The following GRIP1 variants were observed in gnomAD, a reference collection of about 807,000 sequenced individuals.
The protein encoded by GRIP1 is glutamate receptor interacting protein 1.
In GRIP1, 45 loss-of-function variants were observed where a neutral mutation model predicts 129.9. The ratio of observed to expected loss-of-function variants is 0.35; its 90% confidence interval spans 0.27 to 0.44. The LOEUF is 0.44. Among genes scored for constraint, GRIP1 ranks in the 20% least tolerant of loss-of-function variants. GRIP1 has a pLI of 1.00. For missense variants in GRIP1, 1,196 were observed against 1,396.8 expected (o/e 0.86, Z 2.29); for synonymous variants, 530 against 520.8 (o/e 1.02, Z -0.24).
chr12:66,853,428 C>CA (rs1426588088), intron 1 of GRIP1, among the ~76,000 whole-genome samples: 1 of 151,946 alleles, frequency 6.6e-6, no homozygotes, highest in Non-Finnish European at 1.5e-5. Flanking sequence ...GACTGAACTT[C>CA]ATTTTTGAAA....
rs1435699599 is a variant in GRIP1 at position 66,811,934 on chromosome 12, T to G, written c.59-215007A>C. Among the ~76,000 whole-genome samples the G allele has an allele frequency of 2.0e-5, 3 of 152,176 alleles. No homozygotes were observed. In the East Asian group the frequency reaches 5.8e-4, roughly 29 times the overall value. On this transcript the variant is annotated intron_variant, in intron 1 of 1. Coordinates refer to the GRIP1 transcript ENST00000643019. ...TTTTCCGTCTCTAAATGCATTGCCA[T>G]GTGATTCATCTTTCCTGCCTTCTCG...
At chr12:66,906,776 C>T (rs1257682258) in intron 1 of GRIP1, among the ~76,000 whole-genome samples, 1 of 152,202 alleles carries the variant, frequency 6.6e-6, no homozygotes, top group African/African-American at 2.4e-5. Flanking sequence ...TAGAAATCTA[C>T]ATTCTTAAGA....
chr12:66,839,116 T>A (rs893715279), intron 1 of GRIP1, among the ~76,000 whole-genome samples: 4 of 152,096 alleles, frequency 2.6e-5, no homozygotes, highest in Non-Finnish European at 4.4e-5. Flanking sequence ...TTGAATTTAA[T>A]TCCCAACAGA....
intron 1 of GRIP1, among the ~76,000 whole-genome samples, chr12:66,826,592 A>G (rs1409062374): frequency 2.0e-5 from 3 of 152,152 alleles, no homozygotes; most frequent in Admixed American, 2.0e-4. Flanking sequence ...TTCTATTTCT[A>G]CTTCAAGTGC....
In GRIP1 at chr12:66,506,663, G is replaced by A. The variant is rs191942731; in HGVS notation, c.724+8956C>T. Among the ~76,000 whole-genome samples the A allele has an allele frequency of 4.0e-3, 606 of 152,204 alleles. 3 individuals carry two copies. The highest frequency in any genetic ancestry group is 6.8e-3 in the Middle Eastern group (2 of 294). On this transcript the variant is annotated intron_variant, in intron 7 of 24. Transcript: ENST00000359742. Reference sequence around the variant, plus strand: ...AAGATTTCAGTGCTTTTCTCTTTGCGTGTTGTACTATAATACAAAAGTAAA... The same window carrying A: ...AAGATTTCAGTGCTTTTCTCTTTGCATGTTGTACTATAATACAAAAGTAAA...
At chr12:66,972,012 G>A (rs983563974) in intron 1 of GRIP1, among the ~76,000 whole-genome samples, 1 of 152,126 alleles carries the variant, frequency 6.6e-6, no homozygotes, top group Admixed American at 6.6e-5. Flanking sequence ...CAAGAACCGC[G>A]AGGACCTTGT....
chr12:66,899,681 C>T (rs992821575), intron 1 of GRIP1, among the ~76,000 whole-genome samples: 24 of 152,264 alleles, frequency 1.6e-4, no homozygotes, highest in African/African-American at 5.8e-4. Context: ...AGATTCTAAC[C>T]TCATACAACT....
At chr12:66,541,682 T>C in intron 3 of GRIP1, 133 bp downstream of exon 3, 2 of 945,210 alleles carry the variant, frequency 2.1e-6, no homozygotes, top group Non-Finnish European at 1.7e-6. Flanking sequence ...CCCACTGTGC[T>C]TCTGCTGGCC....
chr12:66,365,943 G>A (rs2055114108), intron 23 of GRIP1, among the ~76,000 whole-genome samples: 1 of 152,192 alleles, frequency 6.6e-6, no homozygotes, highest in Non-Finnish European at 1.5e-5. Context: ...TGGTAAGTGA[G>A]GAAACTGTGG....
chr12:66,673,277 T>C (rs2034168178), intron 1 of GRIP1, among the ~76,000 whole-genome samples: 2 of 152,202 alleles, frequency 1.3e-5, no homozygotes, highest in African/African-American at 2.4e-5. Context: ...ATGTTTAGAA[T>C]AGTACCTGGC....
intron 1 of GRIP1, among the ~76,000 whole-genome samples, chr12:66,645,191 T>C (rs1053189015): frequency 1.3e-5 from 2 of 152,208 alleles, no homozygotes; most frequent in African/African-American, 2.4e-5. Context: ...CTGCATAGTA[T>C]AGAGTTTTTA....
chr12:66,964,845 C>T (rs1266149837), intron 1 of GRIP1, among the ~76,000 whole-genome samples: 2 of 152,080 alleles, frequency 1.3e-5, no homozygotes, highest in Non-Finnish European at 2.9e-5. Flanking sequence ...GTGGTTTCCT[C>T]TGAGGCCTCT....
intron 7 of GRIP1, among the ~76,000 whole-genome samples, chr12:66,480,745 A>G (rs563375892): frequency 6.6e-6 from 1 of 152,350 alleles, no homozygotes; most frequent in East Asian, 1.9e-4. Context: ...CAGAGGCCTC[A>G]GAAATAATAC....
chr12:66,646,303 G>A (rs2032359099), intron 1 of GRIP1, among the ~76,000 whole-genome samples: 1 of 152,186 alleles, frequency 6.6e-6, no homozygotes, highest in South Asian at 2.1e-4. Context: ...TGGCATGACT[G>A]CAAGTGTAAA....
At chr12:66,827,073 T>G (rs2039426946) in intron 1 of GRIP1, among the ~76,000 whole-genome samples, 1 of 152,150 alleles carries the variant, frequency 6.6e-6, no homozygotes, top group Non-Finnish European at 1.5e-5. Context: ...TTAGCATCTT[T>G]TGTCACATAA....
At chr12:66,856,140 A>C (rs1386900712) in intron 1 of GRIP1, among the ~76,000 whole-genome samples, 1 of 152,140 alleles carries the variant, frequency 6.6e-6, no homozygotes, top group Non-Finnish European at 1.5e-5. Flanking sequence ...CCTATTTAAT[A>C]AATGGTGCTG....
chr12:66,491,893 C>T (rs1355351378), intron 7 of GRIP1, among the ~76,000 whole-genome samples: 3 of 152,180 alleles, frequency 2.0e-5, no homozygotes, highest in African/African-American at 4.8e-5. Flanking sequence ...TATCATCATT[C>T]TACAGAAAGT....
chr12:66,980,609 CAAAAG>C (rs1197520482), intron 1 of GRIP1, among the ~76,000 whole-genome samples: 5 of 152,112 alleles, frequency 3.3e-5, no homozygotes, highest in Non-Finnish European at 7.4e-5. Context: ...GACTCCGTCT[CAAAAG>C]AAAAGAATAT....
intron 1 of GRIP1, among the ~76,000 whole-genome samples, chr12:66,638,431 G>A (rs971897542): frequency 6.6e-6 from 1 of 152,182 alleles, no homozygotes; most frequent in African/African-American, 2.4e-5. Context: ...ATGTGAGCAG[G>A]TGAGTGTTAA....
Sources: gnomAD v4.1 joint callset for allele counts (sites outside exome capture counted in the v4.1 genomes callset) on GRCh38, gnomAD v4.1.1 for gene constraint, MANE v1.5 for transcripts, NCBI Gene and HGNC (gene_info 2026-07-23, HGNC 2026-07-21) for gene names.